Variants in ERICH3 observed in about 807,000 individuals in gnomAD.
ERICH3 encodes glutamate rich 3, also known as glutamate-rich protein 3.
A neutral mutation model predicts 131.1 loss-of-function variants in ERICH3; 126 were observed. That is an observed-to-expected ratio of 0.96 (90% confidence interval 0.83 to 1.11). ERICH3 has a LOEUF of 1.11. Ranked by LOEUF, ERICH3 falls within the 50% of genes most tolerant of loss-of-function variation. The pLI, the probability that ERICH3 is intolerant of heterozygous loss-of-function variation, is 0.00. For synonymous variants in ERICH3, 695 were observed against 644.6 expected (o/e 1.08, Z -1.18); for missense variants, 2,050 against 1,810.7 (o/e 1.13, Z -2.40).
chr1:74,575,534 C>G (rs777090137), intron 13 of ERICH3, among the ~76,000 whole-genome samples: 27 of 152,144 alleles, frequency 1.8e-4, no homozygotes, highest in African/African-American at 6.5e-4. Context: ...AGATTATTAC[C>G]GTATTTGAAA....
chr1:74,603,775 A>T (rs879771677), intron 10 of ERICH3, among the ~76,000 whole-genome samples: 1 of 151,902 alleles, frequency 6.6e-6, no homozygotes, highest in African/African-American at 2.4e-5. Flanking sequence ...CCTTAACTAA[A>T]ATCACTTTAT....
chr1:74,594,273 C>CGT (rs10655150), intron 11 of ERICH3, among the ~76,000 whole-genome samples: 8,990 of 144,782 alleles, frequency 0.062, 586 homozygotes, highest in African/African-American at 0.17. Context: ...AAAAATGGGG[C>CGT]GTGTGTGTGT....
intron 1 of ERICH3, among the ~76,000 whole-genome samples, chr1:74,658,688 G>T (rs1417541660): frequency 6.6e-6 from 1 of 152,096 alleles, no homozygotes; most frequent in Non-Finnish European, 1.5e-5. Context: ...CCTAAGGGCT[G>T]GTTCTTTTAA....
chr1:74,605,562 G>A (rs1437374387), intron 10 of ERICH3, among the ~76,000 whole-genome samples: 1 of 151,550 alleles, frequency 6.6e-6, no homozygotes, highest in Non-Finnish European at 1.5e-5. Context: ...CATTTAGAGT[G>A]TATTATGTAG....
intron 3 of ERICH3, among the ~76,000 whole-genome samples, chr1:74,646,051 A>G (rs1646479743): frequency 6.6e-6 from 1 of 151,928 alleles, no homozygotes; most frequent in African/African-American, 2.4e-5. Context: ...TAATTTATCA[A>G]ATTAGCTAGA....
chr1:74,649,311 G>A lies in ERICH3; in HGVS notation c.28C>T (p.Leu10Phe). Residue 10 changes from leucine to phenylalanine, a missense_variant, in exon 2 of 15, where the codon CTT becomes TTT. By Grantham distance (22) the Leu-to-Phe change is conservative (BLOSUM62 0). Transcript: ENST00000326665. Reference protein sequence around the residue: MSHSHPAGLLAAYNSLMDKH... With the variant: MSHSHPAGLFAAYNSLMDKH... ...TCCATAAGGCTATTATATGCAGCAA[G>A]TAACCTAAAATACAAAAATAAAACC... 1.2e-6 allele frequency: 2 copies of A among 1,609,232 alleles called. No individual in the cohort carries two copies. The highest frequency in any genetic ancestry group is 1.1e-5 in the South Asian group (1 of 90,486).
intron 9 of ERICH3, among the ~76,000 whole-genome samples, chr1:74,609,503 C>G (rs1361283486): frequency 1.3e-5 from 2 of 151,930 alleles, no homozygotes; most frequent in Admixed American, 1.3e-4. Context: ...TGGGGTAGTT[C>G]TCAACTCTCC....
intron 12 of ERICH3, chr1:74,578,168 CAAAA>C (rs1265133728): frequency 6.6e-6 from 1 of 152,504 alleles, no homozygotes; most frequent in Non-Finnish European, 1.5e-5. Flanking sequence ...ATCTGTCTGT[CAAAA>C]AGAGTTATCT....
rs755888022 is a variant in ERICH3 at position 74,606,714 on chromosome 1, T to C, written c.1376A>G (p.Gln459Arg). Residue 459 changes from glutamine (Q) to arginine (R), a missense_variant, in exon 10 of 15, where the codon CAA (glutamine) becomes CGA (arginine). Coordinates refer to ENST00000326665, the MANE Select transcript of ERICH3 (RefSeq NM_001002912.5). ...TTCTTTGAGCCCTGTTTTTATTTCT[T>C]GAGCTGAAAATTTGGCTGAAACAGA... The part of the protein sequence containing the change: ...KTSVSAKFSA[Q>R]EIKTGLKEVV... 1 of 1,613,410 alleles carries C rather than the reference T, an allele frequency of 6.2e-7. No individual in the cohort carries two copies. The highest frequency in any genetic ancestry group is 8.5e-7 in the Non-Finnish European group (1 of 1,179,546).
chr1:74,672,304 G>A (rs1013247893), intron 1 of ERICH3, among the ~76,000 whole-genome samples: 7 of 152,122 alleles, frequency 4.6e-5, no homozygotes, highest in African/African-American at 1.7e-4. Flanking sequence ...TTGCACAGGA[G>A]TTCAGCATCA....
intron 11 of ERICH3, among the ~76,000 whole-genome samples, chr1:74,591,283 G>A (rs971361559): frequency 6.6e-6 from 1 of 152,162 alleles, no homozygotes; most frequent in Non-Finnish European, 1.5e-5. Flanking sequence ...GGAAGGAAGG[G>A]CAGAAATCAA....
At chr1:74,575,679 T>C (rs1345420982) in intron 13 of ERICH3, among the ~76,000 whole-genome samples, 1 of 152,222 alleles carries the variant, frequency 6.6e-6, no homozygotes, top group East Asian at 1.9e-4. Flanking sequence ...AAGTCTTCTG[T>C]TTTTCTAATC....
intron 3 of ERICH3, among the ~76,000 whole-genome samples, chr1:74,645,809 T>C (rs945122897): frequency 6.6e-6 from 1 of 152,138 alleles, no homozygotes; most frequent in African/African-American, 2.4e-5. Context: ...ACACTTCATC[T>C]ACCTAATGTA....
In ERICH3 at chr1:74,573,138, G is replaced by C; in HGVS notation, c.2572C>G (p.Pro858Ala). 6.2e-7 allele frequency: 1 copy of C among 1,613,242 alleles called. No individual in the cohort carries two copies. Among genetic ancestry groups the C allele is most frequent in the Non-Finnish European group, 8.5e-7 (1 of 1,179,676 alleles). ...VRRLGEGGSD[P>A]IGQAAAKDAV... ...TCTTTTGCTGCTGCTTGTCCTATGG[G>C]GTCTGACCCCCCTTCACCCAGCCTT... The change falls in exon 14 of 15, where the codon CCC (proline) becomes GCC (alanine). Residue 858 changes from proline (P) to alanine (A), a missense_variant. Pro to Ala is a conservative substitution (Grantham distance 27). Coordinates refer to ENST00000326665, the MANE Select transcript of ERICH3 (RefSeq NM_001002912.5).
At chr1:74,670,691 T>C (rs1301878749) in intron 1 of ERICH3, among the ~76,000 whole-genome samples, 2 of 152,180 alleles carry the variant, frequency 1.3e-5, no homozygotes, top group South Asian at 2.1e-4. Flanking sequence ...TTGAACAATA[T>C]GAAATCAGTG....
intron 7 of ERICH3, among the ~76,000 whole-genome samples, chr1:74,631,234 G>A (rs1646329306): frequency 6.6e-6 from 1 of 152,018 alleles, no homozygotes; most frequent in South Asian, 2.1e-4. Flanking sequence ...TCTTCTATTA[G>A]TATTTTGAGG....
Position 74,572,503 on chromosome 1 carries a change from A to G in ERICH3, c.3207T>C (p.Ser1069=). 3 of 1,613,972 alleles carry G rather than the reference A, an allele frequency of 1.9e-6. No homozygotes were observed. The highest frequency in any genetic ancestry group is 2.5e-6 in the Non-Finnish European group (3 of 1,180,008). The change falls in exon 14 of 15, where the codon TCT becomes TCC. Residue 1069 remains serine, a synonymous_variant. Coordinates refer to ENST00000326665, the MANE Select transcript of ERICH3 (RefSeq NM_001002912.5). The part of the protein sequence containing the change: ...ERRKAERPKT[S]LRKTDSEREE... ...CTCTCTCAGAGTCAGTTTTCCTCAGAGATGTTTTTGGCCTCTCAGCTTTCC... is the reference window on the plus strand; with the variant it reads ...CTCTCTCAGAGTCAGTTTTCCTCAGGGATGTTTTTGGCCTCTCAGCTTTCC...
intron 6 of ERICH3, among the ~76,000 whole-genome samples, chr1:74,632,152 G>A (rs556521425): frequency 4.6e-5 from 7 of 152,146 alleles, no homozygotes; most frequent in Admixed American, 2.0e-4. Context: ...CTAACATAAA[G>A]TGATGACACT....
intron 7 of ERICH3, among the ~76,000 whole-genome samples, chr1:74,621,155 T>C (rs1455327238): frequency 1.3e-5 from 2 of 152,162 alleles, no homozygotes; most frequent in East Asian, 3.8e-4. Flanking sequence ...GGGATTTGGA[T>C]AGAGTTTGTC....
Sources: gnomAD v4.1 joint callset for allele counts (sites outside exome capture counted in the v4.1 genomes callset) on GRCh38, gnomAD v4.1.1 for gene constraint, MANE v1.5 for transcripts, NCBI Gene and HGNC (gene_info 2026-07-23, HGNC 2026-07-21) for gene names.